SPOCK1: variants seen among roughly 807,000 people sequenced by gnomAD.
SPOCK1 encodes SPARC (osteonectin), cwcv and kazal like domains proteoglycan 1.
A neutral mutation model predicts 55.3 loss-of-function variants in SPOCK1; 23 were observed. The observed-to-expected ratio is 0.42, with a 90% CI of 0.30 to 0.59. SPOCK1 has a LOEUF of 0.59. Ranked by LOEUF, SPOCK1 falls within the 20% of genes least tolerant of loss-of-function variation. The pLI, the probability that SPOCK1 is intolerant of heterozygous loss-of-function variation, is 0.22. For synonymous variants in SPOCK1, 226 were observed against 221.0 expected (o/e 1.02, Z -0.20); for missense variants, 499 against 552.5 (o/e 0.90, Z 0.97).
intron 3 of SPOCK1, among the ~76,000 whole-genome samples, chr5:137,221,928 G>C (rs560760488): frequency 6.6e-6 from 1 of 152,330 alleles, no homozygotes; most frequent in African/African-American, 2.4e-5. Flanking sequence ...ACAGGGCTCA[G>C]GCACTGGGTT....
chr5:137,418,828 G>A (rs1479681006), intron 2 of SPOCK1, among the ~76,000 whole-genome samples: 1 of 152,150 alleles, frequency 6.6e-6, no homozygotes, highest in Non-Finnish European at 1.5e-5. Context: ...TGTCAATTTT[G>A]GCTTTTGTTG....
intron 2 of SPOCK1, among the ~76,000 whole-genome samples, chr5:137,410,908 A>G (rs1177596187): frequency 3.3e-5 from 5 of 152,226 alleles, no homozygotes; most frequent in Non-Finnish European, 7.3e-5. Flanking sequence ...CACCTTGAGA[A>G]GAGCACCAAG....
At chr5:137,379,122 G>A (rs532803201) in intron 2 of SPOCK1, among the ~76,000 whole-genome samples, 3 of 152,216 alleles carry the variant, frequency 2.0e-5, no homozygotes, top group Admixed American at 6.5e-5. Flanking sequence ...TAACCTCCAA[G>A]GCATGTCTAC....
intron 6 of SPOCK1, among the ~76,000 whole-genome samples, chr5:137,067,159 A>C (rs2127006007): frequency 6.6e-6 from 1 of 152,310 alleles, no homozygotes; most frequent in South Asian, 2.1e-4. Flanking sequence ...CCATCATGAA[A>C]ACATCCAAAT....
intron 3 of SPOCK1, among the ~76,000 whole-genome samples, chr5:137,256,822 C>T (rs1035532644): frequency 6.6e-5 from 10 of 152,104 alleles, no homozygotes; most frequent in African/African-American, 9.7e-5. Context: ...CCAGCGCACG[C>T]GTGCCACAAG....
At chr5:137,339,530 C>G (rs981250438) in intron 2 of SPOCK1, among the ~76,000 whole-genome samples, 2 of 152,162 alleles carry the variant, frequency 1.3e-5, no homozygotes, top group African/African-American at 2.4e-5. Flanking sequence ...AAGGGGGAAC[C>G]CAGCTTCCAA....
chr5:137,302,532 G>A (rs1183419341), intron 2 of SPOCK1, among the ~76,000 whole-genome samples: 2 of 151,752 alleles, frequency 1.3e-5, no homozygotes, highest in Non-Finnish European at 2.9e-5. Context: ...AGGGGAGATT[G>A]TGCCATTGCA....
In SPOCK1 at chr5:137,181,666, C is replaced by T. The variant is rs190104076; in HGVS notation, c.233-40972G>A. Among the ~76,000 whole-genome samples, 8 of 152,300 alleles carry T rather than the reference C, an allele frequency of 5.3e-5. No homozygotes were observed. In the East Asian group the frequency reaches 1.2e-3, roughly 22 times the overall value. On this transcript the variant is annotated intron_variant, in intron 3 of 10. Transcript: ENST00000394945. ...AACAGAGCTGGAAACAGGGTCCCCACGGGCGCTAGAAACTTTGGAGCATTA... is the reference window on the plus strand; with the variant it reads ...AACAGAGCTGGAAACAGGGTCCCCATGGGCGCTAGAAACTTTGGAGCATTA...
At chr5:137,415,684 A>C (rs1359547286) in intron 2 of SPOCK1, among the ~76,000 whole-genome samples, 1 of 152,240 alleles carries the variant, frequency 6.6e-6, no homozygotes, top group Non-Finnish European at 1.5e-5. Flanking sequence ...CAGATGAATA[A>C]AAATTTAAAT....
At chr5:137,200,123 A>G (rs1366370576) in intron 3 of SPOCK1, among the ~76,000 whole-genome samples, 1 of 152,132 alleles carries the variant, frequency 6.6e-6, no homozygotes, top group Admixed American at 6.5e-5. Flanking sequence ...GTCCTTCTGT[A>G]TTAGTCATGG....
chr5:137,043,535 G>C (rs1752040508), intron 6 of SPOCK1, among the ~76,000 whole-genome samples: 1 of 152,166 alleles, frequency 6.6e-6, no homozygotes, highest in Non-Finnish European at 1.5e-5. Flanking sequence ...CACTACCTCA[G>C]CCAGGTGATC....
chr5:137,119,356 G>C (rs1329699760), intron 4 of SPOCK1, among the ~76,000 whole-genome samples: 3 of 152,202 alleles, frequency 2.0e-5, no homozygotes, highest in Non-Finnish European at 4.4e-5. Flanking sequence ...TAATTGAAAT[G>C]AAAAACATGT....
At chr5:137,466,716 T>C (rs564582634) in intron 2 of SPOCK1, among the ~76,000 whole-genome samples, 13 of 152,324 alleles carry the variant, frequency 8.5e-5, no homozygotes, top group Non-Finnish European at 1.6e-4. Context: ...AGACCTTGCC[T>C]GTATTAAGTT....
Position 137,087,705 on chromosome 5 carries a change from G to T in SPOCK1, c.475-19876C>A, listed in dbSNP as rs912903941. Among the ~76,000 whole-genome samples the T allele has an allele frequency of 1.4e-4, 21 of 152,338 alleles. 1 individual carries two copies. The highest frequency in any genetic ancestry group is 6.8e-3 in the Middle Eastern group (2 of 294). The stretch of plus-strand genomic sequence containing the variant: ...CTGGAGAGCACCAGGACCTTGGTGT[G>T]CAGGATACACTGAGGTAAGGGGCCC... On this transcript the variant is annotated intron_variant, in intron 5 of 10. Coordinates refer to ENST00000394945, the MANE Select transcript of SPOCK1 (RefSeq NM_004598.4).
At chr5:137,436,916 A>G (rs1309704050) in intron 2 of SPOCK1, among the ~76,000 whole-genome samples, 1 of 152,180 alleles carries the variant, frequency 6.6e-6, no homozygotes, top group Non-Finnish European at 1.5e-5. Flanking sequence ...GAATTTCAAC[A>G]TCACATCATG....
At chr5:137,108,994 G>A (rs1753416218) in intron 5 of SPOCK1, among the ~76,000 whole-genome samples, 1 of 152,230 alleles carries the variant, frequency 6.6e-6, no homozygotes, top group African/African-American at 2.4e-5. Context: ...TTTCAGCCAT[G>A]TCTGACAGGT....
chr5:137,348,818 C>T (rs900129259), intron 2 of SPOCK1, among the ~76,000 whole-genome samples: 1 of 152,210 alleles, frequency 6.6e-6, no homozygotes, highest in Non-Finnish European at 1.5e-5. Flanking sequence ...AAACCTGACT[C>T]TTAATTCTGC....
intron 2 of SPOCK1, among the ~76,000 whole-genome samples, chr5:137,335,593 G>T (rs1750248730): frequency 6.6e-6 from 1 of 152,184 alleles, no homozygotes; most frequent in Admixed American, 6.5e-5. Context: ...TACGGCCTCT[G>T]CAATTGAGCA....
At chr5:137,341,804 C>A (rs1750431441) in intron 2 of SPOCK1, among the ~76,000 whole-genome samples, 1 of 152,216 alleles carries the variant, frequency 6.6e-6, no homozygotes, top group Non-Finnish European at 1.5e-5. Context: ...TGGGTAACAG[C>A]TAATCCCAGG....
Sources: gnomAD v4.1 joint callset for allele counts (sites outside exome capture counted in the v4.1 genomes callset) on GRCh38, gnomAD v4.1.1 for gene constraint, MANE v1.5 for transcripts, NCBI Gene and HGNC (gene_info 2026-07-23, HGNC 2026-07-21) for gene names.